The following GALNT9 variants were observed in gnomAD, a reference collection of about 807,000 sequenced individuals.
The protein encoded by GALNT9 is GalNAc transferase 9.
GALNT9 carries 47 observed loss-of-function variants against 63.1 expected under a neutral mutation model. The observed-to-expected ratio is 0.75, with a 90% confidence interval of 0.59 to 0.95. The LOEUF (loss-of-function observed/expected upper bound fraction) is 0.95. Among genes scored for constraint, GALNT9 ranks in the 40% least tolerant of loss-of-function variants. The probability of loss-of-function intolerance (pLI) is 0.00; values close to 1 mark genes in which losing one functional copy is unlikely to be tolerated. For missense variants in GALNT9, 829 were observed against 874.8 expected (o/e 0.95, Z 0.66); for synonymous variants, 396 against 365.7 (o/e 1.08, Z -0.94).
intron 6 of GALNT9, among the ~76,000 whole-genome samples, chr12:132,206,847 T>C (rs1201700898): frequency 1.3e-5 from 2 of 151,854 alleles, no homozygotes; most frequent in African/African-American, 4.8e-5. Context: ...ACAATCCTAT[T>C]TGTCCATTAA....
intron 5 of GALNT9, among the ~76,000 whole-genome samples, chr12:132,255,713 C>G (rs1370182792): frequency 6.6e-6 from 1 of 152,258 alleles, no homozygotes; most frequent in African/African-American, 2.4e-5. Flanking sequence ...TTGGACTGAA[C>G]CAGTGCACAC....
chr12:132,216,973 A>G (rs965143861), intron 6 of GALNT9, among the ~76,000 whole-genome samples: 139 of 152,196 alleles, frequency 9.1e-4, no homozygotes, highest in African/African-American at 3.2e-3. Flanking sequence ...GATCCACTAA[A>G]CTGTTATAAA....
intron 1 of GALNT9, among the ~76,000 whole-genome samples, chr12:132,305,921 C>T (rs979854475): frequency 1.1e-4 from 16 of 152,212 alleles, no homozygotes; most frequent in Non-Finnish European, 1.8e-4. Context: ...GGAGCTGAGT[C>T]AGGGCTGGCA....
chr12:132,257,492 GTCC>G (rs1879172340), intron 5 of GALNT9, among the ~76,000 whole-genome samples, 194 bp downstream of exon 5: 1 of 33,906 alleles, frequency 2.9e-5, no homozygotes, highest in African/African-American at 8.3e-5. Flanking sequence ...CCCGGCCCTC[GTCC>G]TCATGCCCTC....
chr12:132,303,441 TCGCCCGGG>T (rs1881399363), intron 1 of GALNT9, among the ~76,000 whole-genome samples: 4 of 142,120 alleles, frequency 2.8e-5, no homozygotes, highest in African/African-American at 1.1e-4. Context: ...GGGCACACCC[TCGCCCGGG>T]CACACCCTCG....
chr12:132,320,662 G>A (rs1868742531), intron 1 of GALNT9, among the ~76,000 whole-genome samples: 1 of 152,270 alleles, frequency 6.6e-6, no homozygotes, highest in South Asian at 2.1e-4. Context: ...AGGAGGTGGA[G>A]GGAAGCTCCC....
At chr12:132,304,131 T>A (rs183656239) in intron 1 of GALNT9, among the ~76,000 whole-genome samples, 15 of 10,396 alleles carry the variant, frequency 1.4e-3, no homozygotes, top group African/African-American at 2.1e-3. Flanking sequence ...GCACACCCTC[T>A]CCGGGGCACA....
In GALNT9 at chr12:132,254,287, G is replaced by A. The variant is rs386768255; in HGVS notation, c.959+3402C>T. ...GCCTCCCAAAAGTGCTGGAAATACC[G>A]GCGTAAGCCACTGCACCCGGCCCCT... On this transcript the variant is annotated intron_variant, in intron 5 of 10. Transcript: ENST00000328957. 8.1e-3 allele frequency among the ~76,000 whole-genome samples: 1,237 copies of A among 152,310 alleles called. 21 individuals are homozygous for A. Among genetic ancestry groups the A allele is most frequent in the African/African-American group, 0.028 (1,176 of 41,562 alleles).
chr12:132,306,640 G>GAC (rs142546618), intron 1 of GALNT9, among the ~76,000 whole-genome samples: 2,052 of 152,336 alleles, frequency 0.013, 15 homozygotes, highest in South Asian at 0.026. Context: ...CTTTCCCCAG[G>GAC]ACGTTCTCCA....
chr12:132,203,548 T>C lies in GALNT9; in HGVS notation c.1220A>G (p.Asp407Gly), dbSNP rs1388254776. The change falls in exon 7 of 11, where the codon GAC (aspartate) becomes GGC (glycine). Residue 407 changes from aspartate to glycine, a missense_variant. Coordinates refer to ENST00000328957, the MANE Select transcript of GALNT9 (RefSeq NM_001122636.2). ...ALRAAEVWMDDFKSHVYMAWN... is the reference protein window; with the variant it reads ...ALRAAEVWMDGFKSHVYMAWN... Reference sequence around the variant, plus strand: ...GGCCATGTACACGTGGGACTTGAAGTCATCCATCCACACCTCGGCGGCGCG... The same window carrying C: ...GGCCATGTACACGTGGGACTTGAAGCCATCCATCCACACCTCGGCGGCGCG... 6.2e-7 allele frequency: 1 copy of C among 1,613,992 alleles called. No homozygotes were observed. Among genetic ancestry groups the C allele is most frequent in the Admixed American group, 1.7e-5 (1 of 60,020 alleles).
rs1254390109 is a variant in GALNT9, at chr12:132,286,621, C to T, written c.239-191G>A. ...CAAGGCTGTGCGCGGAGTGAGAGGGCGGTGCCAGGCGGAAGAGGGAGGGAT... is the reference window on the plus strand; with the variant it reads ...CAAGGCTGTGCGCGGAGTGAGAGGGTGGTGCCAGGCGGAAGAGGGAGGGAT... On this transcript the variant is annotated intron_variant, in intron 1 of 10. Transcript: ENST00000328957. The surrounding 1 kb of genome is among the most constrained non-coding windows in gnomAD (Gnocchi z 7.4). 13 of 983,944 alleles carry T rather than the reference C, an allele frequency of 1.3e-5. No homozygotes were observed. Among genetic ancestry groups the T allele is most frequent in the East Asian group, 8.2e-5 (3 of 36,404 alleles). The allele number at this position is 983,944 out of a possible 1,614,324, so 61.0% of individuals were successfully genotyped here. A position where few individuals can be genotyped will look rare whatever the true frequency, so the allele number is the denominator to read the frequency against.
chr12:132,262,810 G>A (rs557772151), intron 2 of GALNT9, among the ~76,000 whole-genome samples, 185 bp from the exon 3 acceptor site: 7 of 152,218 alleles, frequency 4.6e-5, no homozygotes, highest in Non-Finnish European at 1.0e-4. Context: ...GGTGTGGTCA[G>A]GGCGCAGCAT....
At chr12:132,324,032 G>T (rs1868920874) in intron 1 of GALNT9, among the ~76,000 whole-genome samples, 1 of 152,248 alleles carries the variant, frequency 6.6e-6, no homozygotes, top group African/African-American at 2.4e-5. Context: ...AGCTGGAAAG[G>T]CCGCCTGAAC....
In GALNT9 at chr12:132,316,780, C is replaced by A. The variant is rs553418841; in HGVS notation, c.238+12186G>T. On this transcript the variant is annotated intron_variant, in intron 1 of 10. Transcript: ENST00000328957. This position sits in a 1 kb window ranked among gnomAD's most constrained non-coding sequence, Gnocchi z 4.3. ...AGCACTGGCGCTCACATGGGGTACT[C>A]GGACCCATAGGGACATTTGGTGAGA... Among the ~76,000 whole-genome samples the A allele has an allele frequency of 6.6e-6, 1 of 152,036 alleles. No individual in the cohort carries two copies. Among genetic ancestry groups the A allele is most frequent in the Non-Finnish European group, 1.5e-5 (1 of 67,994 alleles).
chr12:132,256,979 C>A (rs1879145215), intron 5 of GALNT9, among the ~76,000 whole-genome samples: 1 of 152,200 alleles, frequency 6.6e-6, no homozygotes, highest in South Asian at 2.1e-4. Flanking sequence ...GCGCCCTGTC[C>A]TTTAGCTGAG....
At chr12:132,324,241 C>CT (rs1413047842) in intron 1 of GALNT9, among the ~76,000 whole-genome samples, 1 of 152,146 alleles carries the variant, frequency 6.6e-6, no homozygotes, top group African/African-American at 2.4e-5. Context: ...GAGAGTGTGC[C>CT]GGAGCCGGCA....
At chr12:132,301,613 C>T (rs371957852) in intron 1 of GALNT9, among the ~76,000 whole-genome samples, 14 of 152,230 alleles carry the variant, frequency 9.2e-5, no homozygotes, top group African/African-American at 3.4e-4. Context: ...CTGGTGGCCG[C>T]GGAAAAGGAA....
intron 5 of GALNT9, 91 bp downstream of exon 5, chr12:132,257,598 C>A: frequency 1.0e-6 from 1 of 1,000,450 alleles, no homozygotes; most frequent in Non-Finnish European, 1.5e-6. Flanking sequence ...GTCCCCGGCC[C>A]TCATCCCTGG....
intron 6 of GALNT9, among the ~76,000 whole-genome samples, chr12:132,226,650 CCA>C (rs1197051938): frequency 1.4e-5 from 2 of 138,276 alleles, no homozygotes; most frequent in African/African-American, 5.5e-5. Flanking sequence ...CCATGCACCC[CCA>C]TATACACACC....
Sources: gnomAD v4.1 joint callset for allele counts (sites outside exome capture counted in the v4.1 genomes callset) on GRCh38, gnomAD v4.1.1 for gene constraint, Gnocchi (gnomAD v3.1) non-coding constraint, MANE v1.5 for transcripts, NCBI Gene and HGNC (gene_info 2026-07-23, HGNC 2026-07-21) for gene names.